The following KCNB2 variants were observed in gnomAD, a reference collection of about 807,000 sequenced individuals.
The protein encoded by KCNB2 is potassium voltage-gated channel subfamily B member 2.
In KCNB2, 15 loss-of-function variants were observed where a neutral mutation model predicts 61.5. The ratio of observed to expected loss-of-function variants is 0.24; its 90% CI spans 0.16 to 0.38. The LOEUF (loss-of-function observed/expected upper bound fraction) is 0.38. Ranked by LOEUF, KCNB2 falls within the 10% of genes least tolerant of loss-of-function variation. The probability of loss-of-function intolerance (pLI) is 1.00; values close to 1 mark genes in which losing one functional copy is unlikely to be tolerated. For missense variants in KCNB2, 828 were observed against 1,125.2 expected (o/e 0.74, Z 3.78); for synonymous variants, 457 against 446.0 (o/e 1.02, Z -0.31).
chr8:72,561,748 T>G lies in KCNB2; in HGVS notation c.-93-5894T>G, dbSNP rs1229870678. Among the ~76,000 whole-genome samples the G allele has an allele frequency of 1.9e-4, 5 of 25,848 alleles. 1 individual carries two copies. The highest frequency in any genetic ancestry group is 3.0e-4 in the Non-Finnish European group (5 of 16,916). The allele number at this position is 25,848 out of a possible 152,430, so 17.0% of individuals were successfully genotyped here. A position where few individuals can be genotyped will look rare whatever the true frequency, so the allele number is the denominator to read the frequency against. ...ATATATCTATATCTATATATATATG[T>G]ATATATATATATGGATATATATATA... On this transcript the variant is annotated intron_variant, in intron 1 of 2. Transcript: ENST00000523207.
At position 72,841,811 on chromosome 8, in the gene KCNB2, A is replaced by C. The variant is rs185518765; in HGVS notation, c.580-94124A>C. 4.6e-5 allele frequency among the ~76,000 whole-genome samples: 7 copies of C among 152,342 alleles called. No individual in the cohort carries two copies. The East Asian group carries it at 1.3e-3, about 29-fold the overall frequency. On this transcript the variant is annotated intron_variant, in intron 2 of 2. Transcript: ENST00000523207. ...TGAGACTTTGCTGAAGTTGCTTATC[A>C]GCTTAAGGAGATTTGGGGCTGAGAC...
intron 1 of KCNB2, among the ~76,000 whole-genome samples, chr8:72,543,322 T>C (rs1226333586): frequency 6.6e-6 from 1 of 152,172 alleles, no homozygotes; most frequent in Non-Finnish European, 1.5e-5. Context: ...TGTACTAAAA[T>C]AGATGCTTGC....
chr8:72,896,925 A>T (rs2129006314), intron 2 of KCNB2, among the ~76,000 whole-genome samples: 1 of 152,238 alleles, frequency 6.6e-6, no homozygotes, highest in East Asian at 1.9e-4. Flanking sequence ...CCAAAAGAGC[A>T]TTTTTGAATT....
chr8:72,650,170 C>T (rs1446822601), intron 2 of KCNB2, among the ~76,000 whole-genome samples: 5 of 151,842 alleles, frequency 3.3e-5, no homozygotes, highest in African/African-American at 9.7e-5. Context: ...TAAGTAACAC[C>T]CTGTAGCTAT....
At chr8:72,566,629 C>A (rs1806628955) in intron 1 of KCNB2, among the ~76,000 whole-genome samples, 1 of 151,134 alleles carries the variant, frequency 6.6e-6, no homozygotes, top group African/African-American at 2.4e-5. Flanking sequence ...ATCACTTGAG[C>A]CCAGGAGGCA....
chr8:72,715,759 A>C (rs1807427003), intron 2 of KCNB2, among the ~76,000 whole-genome samples: 1 of 152,232 alleles, frequency 6.6e-6, no homozygotes, highest in African/African-American at 2.4e-5. Context: ...GAACTAGAGA[A>C]GCAAGAGCAA....
At chr8:72,714,633 C>T (rs978374714) in intron 2 of KCNB2, among the ~76,000 whole-genome samples, 1 of 152,130 alleles carries the variant, frequency 6.6e-6, no homozygotes, top group Non-Finnish European at 1.5e-5. Context: ...CACCACCAGG[C>T]CTGCCCTACG....
chr8:72,587,677 G>A (rs916025544), intron 2 of KCNB2, among the ~76,000 whole-genome samples: 2 of 151,976 alleles, frequency 1.3e-5, no homozygotes. Context: ...TATACTGAGA[G>A]TCATCATGAT....
chr8:72,920,457 C>CTA lies in KCNB2; in HGVS notation c.580-15476_580-15475dup, dbSNP rs1286454103. The stretch of plus-strand genomic sequence containing the variant: ...CTCTCCACTATATCTATCTATCTAT[C>CTA]TATCTATCTATCTATCTATATATAT... On this transcript the variant is annotated intron_variant, in intron 2 of 2. Transcript: ENST00000523207. Among the ~76,000 whole-genome samples the CTA allele has an allele frequency of 4.5e-4, 31 of 68,438 alleles. 1 individual carries two copies. The highest frequency in any genetic ancestry group is 9.0e-4 in the Admixed American group (6 of 6,650). The allele number at this position is 68,438 out of a possible 152,430, so 44.9% of individuals were successfully genotyped here.
intron 2 of KCNB2, among the ~76,000 whole-genome samples, chr8:72,599,643 A>G (rs949358106): frequency 1.4e-4 from 22 of 152,186 alleles, no homozygotes; most frequent in African/African-American, 5.3e-4. Flanking sequence ...AGAAACTACC[A>G]TCAGAGTGAA....
chr8:72,901,519 G>A (rs1806093416), intron 2 of KCNB2, among the ~76,000 whole-genome samples: 1 of 152,026 alleles, frequency 6.6e-6, no homozygotes, highest in Admixed American at 6.6e-5. Context: ...TTTTCACTTA[G>A]TGAATACCAA....
At chr8:72,601,329 T>C (rs1343992769) in intron 2 of KCNB2, among the ~76,000 whole-genome samples, 1 of 152,192 alleles carries the variant, frequency 6.6e-6, no homozygotes, top group African/African-American at 2.4e-5. Flanking sequence ...AAGTTGTTAA[T>C]GTACATTCCA....
chr8:72,622,911 G>C (rs549687454), intron 2 of KCNB2, among the ~76,000 whole-genome samples: 5 of 152,272 alleles, frequency 3.3e-5, no homozygotes, highest in African/African-American at 1.2e-4. Flanking sequence ...ATCTGTTCCA[G>C]CTCCTGCTAG....
intron 1 of KCNB2, among the ~76,000 whole-genome samples, chr8:72,549,706 C>A (rs1165824052): frequency 6.6e-6 from 1 of 152,148 alleles, no homozygotes; most frequent in Non-Finnish European, 1.5e-5. Context: ...ACTGGTTAAT[C>A]CATGCTGTGC....
intron 1 of KCNB2, among the ~76,000 whole-genome samples, chr8:72,561,761 G>GT (rs1563523550): frequency 1.8e-3 from 44 of 24,394 alleles, no homozygotes; most frequent in Admixed American, 2.0e-3. Flanking sequence ...ATATATATAT[G>GT]GATATATATA....
At chr8:72,850,676 A>G (rs1187812396) in intron 2 of KCNB2, among the ~76,000 whole-genome samples, 2 of 152,242 alleles carry the variant, frequency 1.3e-5, no homozygotes, top group African/African-American at 4.8e-5. Flanking sequence ...TATAAATTCC[A>G]TAATCCAGCT....
intron 2 of KCNB2, among the ~76,000 whole-genome samples, chr8:72,695,984 C>G (rs1585835572): frequency 6.6e-6 from 1 of 152,158 alleles, no homozygotes; most frequent in Non-Finnish European, 1.5e-5. Flanking sequence ...GAATCAGGGT[C>G]CTCGGCTGTA....
chr8:72,781,291 G>A (rs768162307), intron 2 of KCNB2, among the ~76,000 whole-genome samples: 34 of 152,022 alleles, frequency 2.2e-4, no homozygotes, highest in Admixed American at 1.3e-4. Flanking sequence ...ATCTTTGCCC[G>A]TGCCTATGTC....
chr8:72,592,615 A>G (rs566657219), intron 2 of KCNB2, among the ~76,000 whole-genome samples: 1 of 152,258 alleles, frequency 6.6e-6, no homozygotes, highest in South Asian at 2.1e-4. Context: ...AGTGGATGCC[A>G]CTGCTGGAAA....
Sources: allele counts gnomAD v4.1 joint callset (sites outside exome capture counted in the v4.1 genomes callset), GRCh38; gene constraint gnomAD v4.1.1; transcripts MANE v1.5; gene names NCBI Gene and HGNC (gene_info 2026-07-23, HGNC 2026-07-21).